Variants in PLS3 observed in about 807,000 individuals in gnomAD.
PLS3 encodes the protein plastin-3.
PLS3 carries 11 observed loss-of-function variants against 46.5 expected under a neutral mutation model. That is an observed-to-expected ratio of 0.24 (90% CI 0.15 to 0.39). PLS3 has a LOEUF of 0.39. Ranked by LOEUF, PLS3 falls within the 10% of genes least tolerant of loss-of-function variation. The pLI, the probability that PLS3 is intolerant of heterozygous loss-of-function variation, is 1.00. For missense variants in PLS3, 308 were observed against 461.8 expected, an observed-to-expected ratio of 0.67 and a Z score of 3.05; for synonymous variants, 167 against 162.2, an observed-to-expected ratio of 1.03 and a Z score of -0.22.
rs111323826 is a variant in PLS3 at position 115,636,815 on chromosome X, ATTT to A, written c.749-10_749-8del. ...TATTGTGTCATATAATAACTGTGGG[ATTT>A]TTTTTTTTTTCTTCTAGCCTTGGCT... On this transcript the variant is annotated intron_variant, in intron 7 of 15. Transcript: ENST00000355899. 3 of 917,145 alleles carry A rather than the reference ATTT, an allele frequency of 3.3e-6. No homozygotes were observed. Among genetic ancestry groups the A allele is most frequent in the Non-Finnish European group, 4.5e-6 (3 of 672,848 alleles). The allele number at this position is 917,145 out of a possible 1,213,427, so 75.6% of individuals were successfully genotyped here.
chrX:115,616,879 C>T (rs782083093), intron 2 of PLS3, among the ~76,000 whole-genome samples: 4 of 111,736 alleles, frequency 3.6e-5, no homozygotes, highest in African/African-American at 1.3e-4. Context: ...CTAACTAACA[C>T]TAAAATGCCT....
At chrX:115,581,197 A>G (rs2074277866) in intron 1 of PLS3, among the ~76,000 whole-genome samples, 2 of 112,220 alleles carry the variant, frequency 1.8e-5, no homozygotes. Context: ...GCTGTTAATA[A>G]GATTCCTAAA....
At chrX:115,585,831 G>A (rs1173642130) in intron 1 of PLS3, among the ~76,000 whole-genome samples, 1 of 110,425 alleles carries the variant, frequency 9.1e-6, no homozygotes, top group East Asian at 2.8e-4. Flanking sequence ...AAAATAATCC[G>A]CATATTGTTT....
At chrX:115,615,741 A>G (rs951632748) in intron 2 of PLS3, among the ~76,000 whole-genome samples, 25 of 111,614 alleles carry the variant, frequency 2.2e-4, no homozygotes, top group Admixed American at 1.8e-3. Flanking sequence ...GTGATAAGGT[A>G]GAGTTTCCTT....
chrX:115,626,511 C>T (rs1436910488), intron 3 of PLS3, among the ~76,000 whole-genome samples: 1 of 110,163 alleles, frequency 9.1e-6, no homozygotes, highest in East Asian at 2.9e-4. Context: ...CTCGAACTCC[C>T]GACCTCAAAC....
At chrX:115,584,020 A>G (rs1556632124) in intron 1 of PLS3, among the ~76,000 whole-genome samples, 1 of 111,737 alleles carries the variant, frequency 8.9e-6, no homozygotes, top group African/African-American at 3.3e-5. Flanking sequence ...AAATCTGAGC[A>G]TGGATTTGGT....
chrX:115,596,507 G>A (rs782110713), intron 1 of PLS3, among the ~76,000 whole-genome samples: 1 of 111,393 alleles, frequency 9.0e-6, no homozygotes, highest in African/African-American at 3.3e-5. Context: ...GGGGAGGAAC[G>A]GGTTAGCAAC....
At chrX:115,627,881 A>G (rs781897826) in intron 3 of PLS3, among the ~76,000 whole-genome samples, 1 of 112,428 alleles carries the variant, frequency 8.9e-6, no homozygotes, top group South Asian at 3.7e-4. Context: ...CTTACTAACT[A>G]TTCTCTCAAA....
At chrX:115,561,871 T>A (rs1556629618) in intron 1 of PLS3, among the ~76,000 whole-genome samples, 1 of 111,359 alleles carries the variant, frequency 9.0e-6, no homozygotes, top group African/African-American at 3.3e-5. Flanking sequence ...CCTGCTTCCC[T>A]CCCTTGTCCT....
At chrX:115,580,579 C>G (rs782550395) in intron 1 of PLS3, among the ~76,000 whole-genome samples, 2 of 111,972 alleles carry the variant, frequency 1.8e-5, no homozygotes, top group East Asian at 5.6e-4. Flanking sequence ...CATAGTCTGA[C>G]TTAATGCCAG....
intron 1 of PLS3, among the ~76,000 whole-genome samples, chrX:115,598,304 A>C (rs1284960007): frequency 1.8e-5 from 2 of 109,502 alleles, no homozygotes; most frequent in African/African-American, 6.6e-5. Flanking sequence ...AAAAAAAAAA[A>C]AAAAGAAGAA....
Position 115,647,679 on chromosome X carries a change from A to G in PLS3, c.1635+6A>G. On this transcript the variant is annotated splice_donor_region_variant and intron_variant, in intron 14 of 15. Transcript: ENST00000355899. The stretch of plus-strand genomic sequence containing the variant: ...CTTCCATTCAGAGTTTTAAGGTCAG[A>G]ATCCATATTTGACTATTAAATATTA... The G allele has an allele frequency of 8.3e-7, 1 of 1,199,524 alleles. No individual in the cohort carries two copies. Among genetic ancestry groups the G allele is most frequent in the African/African-American group, 1.7e-5 (1 of 57,512 alleles).
intron 2 of PLS3, chrX:115,614,662 A>T (rs1433612060): frequency 2.4e-6 from 1 of 414,588 alleles, no homozygotes; most frequent in Admixed American, 9.1e-5. Flanking sequence ...GATGGAATAT[A>T]GTTTAAATTC....
At chrX:115,617,461 T>C (rs1047478367) in intron 2 of PLS3, among the ~76,000 whole-genome samples, 1 of 112,277 alleles carries the variant, frequency 8.9e-6, no homozygotes, top group Non-Finnish European at 1.9e-5. Flanking sequence ...TTTCTGTCAT[T>C]GTTGTTTAGT....
At chrX:115,638,901 A>G (rs782226229) in intron 8 of PLS3, among the ~76,000 whole-genome samples, 2 of 109,144 alleles carry the variant, frequency 1.8e-5, no homozygotes, top group East Asian at 5.8e-4. Context: ...TTTTTAGTAG[A>G]CATGGGGTTT....
chrX:115,580,816 C>T (rs963396475), intron 1 of PLS3, among the ~76,000 whole-genome samples: 5 of 112,163 alleles, frequency 4.5e-5, no homozygotes, highest in African/African-American at 1.3e-4. Context: ...CAAAGTCTAA[C>T]GCTAGTTCTT....
intron 3 of PLS3, among the ~76,000 whole-genome samples, chrX:115,625,948 A>G (rs928984859): frequency 8.9e-6 from 1 of 112,461 alleles, no homozygotes; most frequent in Non-Finnish European, 1.9e-5. Flanking sequence ...TGTATAGATC[A>G]AGAGTGGTTA....
At chrX:115,617,120 G>A (rs1556636923) in intron 2 of PLS3, among the ~76,000 whole-genome samples, 19 of 111,900 alleles carry the variant, frequency 1.7e-4, no homozygotes, top group Non-Finnish European at 5.6e-5. Flanking sequence ...ATGTAGCCCA[G>A]TGGGTGTCTT....
intron 2 of PLS3, chrX:115,614,380 C>T: frequency 1.3e-6 from 1 of 751,529 alleles, no homozygotes; most frequent in Non-Finnish European, 1.6e-6. Context: ...TGCCTGGTCT[C>T]ACCCTCTAAA....
Sources: allele counts gnomAD v4.1 joint callset (sites outside exome capture counted in the v4.1 genomes callset), GRCh38; gene constraint gnomAD v4.1.1; transcripts MANE v1.5; gene names NCBI Gene and HGNC (gene_info 2026-07-23, HGNC 2026-07-21).